The following PHEX variants were observed in gnomAD, a reference collection of about 807,000 sequenced individuals.
The protein encoded by PHEX is phosphate-regulating neutral endopeptidase PHEX.
Under a neutral mutation model 68.0 loss-of-function variants are expected in PHEX, and 16 were observed. The observed-to-expected ratio is 0.24, with a 90% CI of 0.16 to 0.36. The LOEUF (loss-of-function observed/expected upper bound fraction) is 0.36. PHEX is among the 10% of genes least tolerant of loss of function. PHEX has a pLI of 1.00. For missense variants in PHEX, 480 were observed against 575.5 expected (o/e 0.83, Z 1.70); for synonymous variants, 208 against 205.1 (o/e 1.01, Z -0.12).
chrX:22,046,563 CTTTT>C (rs529373663), intron 2 of PHEX, among the ~76,000 whole-genome samples: 1,641 of 76,984 alleles, frequency 0.021, 33 homozygotes, highest in African/African-American at 0.073. Context: ...TATCCATTCC[CTTTT>C]TTTTTTTTTT....
chrX:22,243,940 C>T (rs927329348), intron 20 of PHEX, among the ~76,000 whole-genome samples: 4 of 111,773 alleles, frequency 3.6e-5, no homozygotes, highest in Non-Finnish European at 7.5e-5. Flanking sequence ...GGGTATATAC[C>T]GAAATAATTT....
At chrX:22,201,313 A>T (rs1004011607) in intron 15 of PHEX, among the ~76,000 whole-genome samples, 1 of 111,042 alleles carries the variant, frequency 9.0e-6, no homozygotes, top group African/African-American at 3.3e-5. Flanking sequence ...AGCAGCTGGG[A>T]CTACAGGCGC....
At chrX:22,063,670 C>T (rs1192156800) in intron 3 of PHEX, among the ~76,000 whole-genome samples, 2 of 112,507 alleles carry the variant, frequency 1.8e-5, no homozygotes, top group Non-Finnish European at 3.7e-5. Context: ...GATTCTGCCC[C>T]TGAACCCTGG....
At chrX:22,224,272 C>T (rs867777488) in intron 18 of PHEX, among the ~76,000 whole-genome samples, 27 of 111,915 alleles carry the variant, frequency 2.4e-4, no homozygotes, top group African/African-American at 4.2e-4. Flanking sequence ...TGTGAGCCAC[C>T]GCACCCAGCC....
rs187986234 is a variant in PHEX at position 22,186,348 on chromosome X, G to A, written c.1587-4096G>A. ...GAAGTCACACTGTCATTTCTGCTGCGTATTATTCTTTAGAAGTGAGTCACT... is the reference window on the plus strand; with the variant it reads ...GAAGTCACACTGTCATTTCTGCTGCATATTATTCTTTAGAAGTGAGTCACT... On this transcript the variant is annotated intron_variant, in intron 14 of 21. Transcript: ENST00000379374. Among the ~76,000 whole-genome samples, 44 of 112,113 alleles carry A rather than the reference G, an allele frequency of 3.9e-4. No individual in the cohort carries two copies. The East Asian group carries it at 8.7e-3, about 22-fold the overall frequency.
intron 14 of PHEX, among the ~76,000 whole-genome samples, chrX:22,189,646 A>T (rs1243907081): frequency 6.2e-5 from 7 of 112,062 alleles, no homozygotes; most frequent in African/African-American, 2.3e-4. Flanking sequence ...ATTTGTGGAC[A>T]GTTTGCTCTT....
chrX:22,183,535 T>G (rs775680143), intron 14 of PHEX, among the ~76,000 whole-genome samples: 1 of 112,013 alleles, frequency 8.9e-6, no homozygotes, highest in South Asian at 3.7e-4. Flanking sequence ...CTATCCTGTT[T>G]CATTCCCAGT....
intron 14 of PHEX, among the ~76,000 whole-genome samples, chrX:22,184,756 A>G (rs1378684635): frequency 9.0e-6 from 1 of 111,680 alleles, no homozygotes; most frequent in Admixed American, 9.5e-5. Flanking sequence ...CTCACTTTTA[A>G]CTCACTCTCA....
intron 9 of PHEX, among the ~76,000 whole-genome samples, chrX:22,109,238 C>A (rs2301310): frequency 0.18 from 19,947 of 111,143 alleles, 1,373 homozygotes; most frequent in East Asian, 0.3. Flanking sequence ...ACATGTCATA[C>A]ATTTTTGAAA....
chrX:22,055,374 C>T (rs1413459956), intron 3 of PHEX, among the ~76,000 whole-genome samples: 3 of 109,818 alleles, frequency 2.7e-5, no homozygotes, highest in Non-Finnish European at 5.7e-5. Flanking sequence ...ATAATGTATC[C>T]ATAATCATTG....
chrX:22,184,418 T>C (rs1427580666), intron 14 of PHEX, among the ~76,000 whole-genome samples: 2 of 111,447 alleles, frequency 1.8e-5, no homozygotes, highest in Non-Finnish European at 3.8e-5. Flanking sequence ...TTGAACAGCA[T>C]CATGATTATA....
At position 22,032,736 on chromosome X, in the gene PHEX, C is replaced by G. The variant is rs1926852445; in HGVS notation, c.-270C>G. 5.5e-6 allele frequency: 2 copies of G among 360,837 alleles called. No individual in the cohort carries two copies. The highest frequency in any genetic ancestry group is 5.2e-5 in the African/African-American group (2 of 38,788). 29.7% of individuals were successfully genotyped at this position (360,837 alleles called of 1,213,427 possible). On this transcript the variant is annotated 5_prime_UTR_variant, in exon 1 of 22. Coordinates refer to ENST00000379374, the MANE Select transcript of PHEX (RefSeq NM_000444.6). Reference sequence around the variant, plus strand: ...AAGAGCCTGCCAAACAGGGACTTTGCTGAGGGAGAGCACCAAGATAAAGCA... The same window carrying G: ...AAGAGCCTGCCAAACAGGGACTTTGGTGAGGGAGAGCACCAAGATAAAGCA...
At chrX:22,124,174 G>A (rs188385124) in intron 11 of PHEX, among the ~76,000 whole-genome samples, 52 of 111,589 alleles carry the variant, frequency 4.7e-4, no homozygotes, top group African/African-American at 1.6e-3. Context: ...CCCTCTGCAG[G>A]CTAAATCTTG....
intron 20 of PHEX, among the ~76,000 whole-genome samples, chrX:22,228,995 T>A (rs1253844909): frequency 9.0e-6 from 1 of 111,575 alleles, no homozygotes; most frequent in Non-Finnish European, 1.9e-5. Flanking sequence ...GGTTTTCTGT[T>A]CTTGTGATAG....
intron 3 of PHEX, among the ~76,000 whole-genome samples, chrX:22,075,002 G>A (rs867420052): frequency 1.1e-4 from 12 of 108,553 alleles, no homozygotes; most frequent in African/African-American, 4.0e-4. Context: ...GCTTGAACAC[G>A]GGAGGCAGAG....
At chrX:22,133,236 G>A (rs2147085966) in intron 11 of PHEX, among the ~76,000 whole-genome samples, 1 of 111,365 alleles carries the variant, frequency 9.0e-6, no homozygotes, top group South Asian at 3.8e-4. Flanking sequence ...GTCCGCGCTG[G>A]TCTCAAACTC....
At chrX:22,229,080 C>G (rs1277218758) in intron 20 of PHEX, among the ~76,000 whole-genome samples, 1 of 112,063 alleles carries the variant, frequency 8.9e-6, no homozygotes, top group African/African-American at 3.2e-5. Context: ...TTTATGGCTA[C>G]ACAGTATGCC....
At chrX:22,186,250 AAAG>A (rs1187111548) in intron 14 of PHEX, among the ~76,000 whole-genome samples, 17 of 111,106 alleles carry the variant, frequency 1.5e-4, no homozygotes, top group African/African-American at 5.0e-4. Context: ...CTTTTCTGAG[AAAG>A]AAGAAGGGAG....
intron 12 of PHEX, among the ~76,000 whole-genome samples, chrX:22,146,159 T>C (rs768783682): frequency 8.9e-6 from 1 of 112,404 alleles, no homozygotes; most frequent in East Asian, 2.8e-4. Flanking sequence ...ATAAGCTGTT[T>C]TGAACAATTT....
Sources: allele counts gnomAD v4.1 joint callset (sites outside exome capture counted in the v4.1 genomes callset), GRCh38; gene constraint gnomAD v4.1.1; transcripts MANE v1.5; gene names NCBI Gene and HGNC (gene_info 2026-07-23, HGNC 2026-07-21).